PDE11A: variants seen among roughly 807,000 people sequenced by gnomAD.
The protein encoded by PDE11A is dual 3',5'-cyclic-AMP and -GMP phosphodiesterase 11A.
PDE11A carries 100 observed loss-of-function variants against 100.5 expected under a neutral mutation model. The observed-to-expected ratio is 1.00, with a 90% confidence interval of 0.85 to 1.18. PDE11A has a LOEUF of 1.18. PDE11A is among the 50% of genes most tolerant of loss of function. The pLI is 0.00. For missense variants in PDE11A, 1,141 were observed against 1,152.6 expected (o/e 0.99, Z 0.15); for synonymous variants, 381 against 420.8 (o/e 0.91, Z 1.16).
At chr2:177,929,752 C>T (rs994620041) in intron 2 of PDE11A, among the ~76,000 whole-genome samples, 3 of 152,150 alleles carry the variant, frequency 2.0e-5, no homozygotes, top group Non-Finnish European at 4.4e-5. Flanking sequence ...AGCTTTCCCC[C>T]CAAGTCTCAC....
At chr2:177,936,714 A>G (rs1040102415) in intron 2 of PDE11A, among the ~76,000 whole-genome samples, 2 of 152,126 alleles carry the variant, frequency 1.3e-5, no homozygotes, top group African/African-American at 4.8e-5. Context: ...TGAGGTCAGA[A>G]GTTTAAGACT....
Position 178,014,393 on chromosome 2 carries a change from G to A in PDE11A, c.980C>T (p.Pro327Leu), listed in dbSNP as rs774905208. The A allele has an allele frequency of 1.1e-5, 18 of 1,611,200 alleles. No individual in the cohort carries two copies. The highest frequency in any genetic ancestry group is 1.5e-5 in the Non-Finnish European group (18 of 1,177,522). Residue 327 changes from proline (P) to leucine (L), a missense_variant, in exon 2 of 20, where the codon CCT becomes CTT. Transcript: ENST00000286063. ...AATCTCACCATCACTGCTTCGGATA[G>A]GCATGCACAATAATGATTTTGTCTT... ...GYKTKSLLCM[P>L]IRSSDGEIIG... is the part of the protein sequence containing the mutation.
At position 177,625,639 on chromosome 2, in the gene PDE11A, T is replaced by C. The variant is rs1187119834; in HGVS notation, c.*3768A>G. ...AGGAAGCAAACATAATCTGGTCAGT[T>C]TGAGTTTTTACAAGAAGGCTCATAT... On this transcript the variant is annotated 3_prime_UTR_variant, in exon 20 of 20. Transcript: ENST00000286063. 6.6e-6 allele frequency: 1 copy of C among 152,230 alleles called. No homozygotes were observed. The highest frequency in any genetic ancestry group is 2.4e-5 in the African/African-American group (1 of 41,454). 9.4% of individuals were successfully genotyped at this position (152,230 alleles called of 1,614,324 possible).
At chr2:177,851,226 G>A (rs1342034367) in intron 5 of PDE11A, among the ~76,000 whole-genome samples, 1 of 152,100 alleles carries the variant, frequency 6.6e-6, no homozygotes, top group Non-Finnish European at 1.5e-5. Context: ...ATGAGTTCAT[G>A]TCCTTTGTAG....
chr2:177,881,880 G>A (rs1466051813), intron 4 of PDE11A, among the ~76,000 whole-genome samples: 5 of 152,208 alleles, frequency 3.3e-5, no homozygotes, highest in African/African-American at 1.2e-4. Flanking sequence ...CTTCTCTGGT[G>A]TAGAGCCATT....
At chr2:177,665,439 C>T (rs2080557032) in intron 18 of PDE11A, among the ~76,000 whole-genome samples, 1 of 149,190 alleles carries the variant, frequency 6.7e-6, no homozygotes, top group Non-Finnish European at 1.5e-5. Flanking sequence ...ACAATCATGT[C>T]GTTGCATTCC....
chr2:178,105,301 AAT>A (rs1248292322), intron 1 of PDE11A, among the ~76,000 whole-genome samples: 1 of 152,144 alleles, frequency 6.6e-6, no homozygotes, highest in Non-Finnish European at 1.5e-5. Flanking sequence ...CTCTACTAAA[AAT>A]ACAAAAATTA....
intron 5 of PDE11A, among the ~76,000 whole-genome samples, chr2:177,861,327 C>T (rs955543689): frequency 9.3e-5 from 14 of 150,606 alleles, no homozygotes; most frequent in Non-Finnish European, 1.9e-4. Flanking sequence ...ATTTCATTTA[C>T]AATAATATCA....
intron 5 of PDE11A, among the ~76,000 whole-genome samples, chr2:177,853,712 GTT>G (rs1491495399): frequency 0.4 from 10,105 of 25,576 alleles, 937 homozygotes; most frequent in Middle Eastern, 0.47. Flanking sequence ...GTGTGTGTGT[GTT>G]TGTGTGTGTG....
At chr2:177,811,963 G>A (rs563511251) in intron 9 of PDE11A, among the ~76,000 whole-genome samples, 58 of 152,170 alleles carry the variant, frequency 3.8e-4, no homozygotes, top group African/African-American at 1.3e-3. Flanking sequence ...TAAAACAGGC[G>A]AAAAAATTAT....
chr2:177,961,803 G>A (rs2085636862), intron 2 of PDE11A, among the ~76,000 whole-genome samples: 1 of 151,962 alleles, frequency 6.6e-6, no homozygotes, highest in Admixed American at 6.6e-5. Context: ...TGTAGGCCGG[G>A]CATAGTGATT....
intron 1 of PDE11A, 55 bp from the exon 2 acceptor site, chr2:178,014,515 GGA>G (rs754979427): frequency 2.9e-4 from 406 of 1,417,296 alleles, no homozygotes; most frequent in Admixed American, 5.0e-4. Flanking sequence ...TCAGGGAGAA[GGA>G]GAGAGAGGTT....
intron 2 of PDE11A, among the ~76,000 whole-genome samples, chr2:178,008,859 G>A: frequency 6.6e-6 from 1 of 152,168 alleles, no homozygotes; most frequent in East Asian, 1.9e-4. Flanking sequence ...TCGGCATGAA[G>A]GAGAGCAGCA....
At chr2:178,007,675 C>T (rs1008939948) in intron 2 of PDE11A, among the ~76,000 whole-genome samples, 4 of 151,800 alleles carry the variant, frequency 2.6e-5, no homozygotes, top group South Asian at 4.2e-4. Flanking sequence ...TGCTAATGAC[C>T]GACTTTTAAT....
intron 10 of PDE11A, among the ~76,000 whole-genome samples, chr2:177,761,173 A>T (rs552081210): frequency 6.6e-6 from 1 of 152,302 alleles, no homozygotes; most frequent in Non-Finnish European, 1.5e-5. Context: ...GAGAGACACT[A>T]TCATTACAGC....
At chr2:178,042,966 G>A (rs2086702905) in intron 1 of PDE11A, among the ~76,000 whole-genome samples, 1 of 152,162 alleles carries the variant, frequency 6.6e-6, no homozygotes, top group East Asian at 1.9e-4. Context: ...GGACATGGGG[G>A]CTGAGGCATC....
intron 12 of PDE11A, among the ~76,000 whole-genome samples, chr2:177,717,416 G>A (rs2081456006): frequency 6.6e-6 from 1 of 151,314 alleles, no homozygotes; most frequent in African/African-American, 2.4e-5. Context: ...AAAGAAAACA[G>A]AGAGGCGGCA....
intron 2 of PDE11A, among the ~76,000 whole-genome samples, chr2:178,100,587 A>G (rs1421912850): frequency 1.3e-5 from 2 of 152,242 alleles, no homozygotes; most frequent in Non-Finnish European, 2.9e-5. Context: ...TGCAATTAAC[A>G]TAGTAAGCTA....
chr2:177,938,497 A>G (rs1390261790), intron 2 of PDE11A, among the ~76,000 whole-genome samples: 1 of 152,108 alleles, frequency 6.6e-6, no homozygotes, highest in Non-Finnish European at 1.5e-5. Context: ...CATCCTCCTC[A>G]GAAGCTTCTC....
Sources: allele counts gnomAD v4.1 joint callset (sites outside exome capture counted in the v4.1 genomes callset), GRCh38; gene constraint gnomAD v4.1.1; transcripts MANE v1.5; gene names NCBI Gene and HGNC (gene_info 2026-07-23, HGNC 2026-07-21).